The following HS6ST3 variants were observed in gnomAD, a reference collection of about 807,000 sequenced individuals.
HS6ST3 encodes the protein heparan sulfate 6-O-sulfotransferase 3.
HS6ST3 carries 12 observed loss-of-function variants against 36.7 expected under a neutral mutation model. The ratio of observed to expected loss-of-function variants is 0.33; its 90% confidence interval spans 0.21 to 0.53. HS6ST3 has a LOEUF of 0.53. Among genes scored for constraint, HS6ST3 ranks in the 20% least tolerant of loss-of-function variants. The pLI, the probability that HS6ST3 is intolerant of heterozygous loss-of-function variation, is 0.95. For missense variants in HS6ST3, 584 were observed against 640.9 expected (o/e 0.91, Z 0.96); for synonymous variants, 240 against 257.5 (o/e 0.93, Z 0.65).
chr13:96,636,449 G>A (rs1305701084), intron 1 of HS6ST3, among the ~76,000 whole-genome samples: 2 of 152,134 alleles, frequency 1.3e-5, no homozygotes, highest in African/African-American at 4.8e-5. Flanking sequence ...TTGGCTCCAA[G>A]TGTGCAGTTT....
chr13:96,221,364 T>C (rs1485515202), intron 1 of HS6ST3, among the ~76,000 whole-genome samples: 5 of 152,210 alleles, frequency 3.3e-5, no homozygotes, highest in Non-Finnish European at 7.3e-5. Flanking sequence ...TATTTATTGT[T>C]TCATTGCCTG....
At chr13:96,239,021 G>C (rs2054547965) in intron 1 of HS6ST3, among the ~76,000 whole-genome samples, 1 of 152,116 alleles carries the variant, frequency 6.6e-6, no homozygotes. Context: ...TCACGGATGG[G>C]GAAGTAGGGC....
intron 1 of HS6ST3, among the ~76,000 whole-genome samples, chr13:96,481,599 G>A (rs988968618): frequency 5.3e-5 from 8 of 152,242 alleles, no homozygotes; most frequent in African/African-American, 1.4e-4. Flanking sequence ...AAAACTTGGC[G>A]TTTCTCTGTT....
chr13:96,279,395 A>G (rs1297761183), intron 1 of HS6ST3, among the ~76,000 whole-genome samples: 2 of 152,180 alleles, frequency 1.3e-5, no homozygotes, highest in East Asian at 3.9e-4. Context: ...GGTCTCTAGC[A>G]TTGTGGAGTT....
intron 1 of HS6ST3, among the ~76,000 whole-genome samples, chr13:96,153,032 A>G (rs1444997710): frequency 6.6e-6 from 1 of 152,128 alleles, no homozygotes; most frequent in African/African-American, 2.4e-5. Context: ...AGCACCTGAA[A>G]TACAATCTCC....
chr13:96,417,905 G>T (rs1050708679), intron 1 of HS6ST3, among the ~76,000 whole-genome samples: 1 of 151,982 alleles, frequency 6.6e-6, no homozygotes, highest in African/African-American at 2.4e-5. Context: ...TCAATGAATT[G>T]ATATATATCC....
chr13:96,466,979 T>G (rs1354913578), intron 1 of HS6ST3, among the ~76,000 whole-genome samples: 1 of 152,222 alleles, frequency 6.6e-6, no homozygotes, highest in African/African-American at 2.4e-5. Context: ...TAGAAAATTA[T>G]ATACAGTGTT....
At chr13:96,241,357 G>A (rs937277085) in intron 1 of HS6ST3, among the ~76,000 whole-genome samples, 4 of 151,742 alleles carry the variant, frequency 2.6e-5, no homozygotes, top group African/African-American at 7.3e-5. Flanking sequence ...TGAAAAACAC[G>A]AATAAATTCA....
chr13:96,167,358 G>C (rs2054166105), intron 1 of HS6ST3, among the ~76,000 whole-genome samples: 1 of 152,140 alleles, frequency 6.6e-6, no homozygotes, highest in Non-Finnish European at 1.5e-5. Context: ...CCCTCTGCCA[G>C]AGTTATTTCT....
intron 1 of HS6ST3, among the ~76,000 whole-genome samples, chr13:96,137,713 G>A (rs2054009680): frequency 6.6e-6 from 1 of 152,150 alleles, no homozygotes; most frequent in African/African-American, 2.4e-5. Flanking sequence ...TTACAGGCCT[G>A]GCCTTTCTGC....
At chr13:96,658,363 C>T (rs529825844) in intron 1 of HS6ST3, among the ~76,000 whole-genome samples, 1 of 145,890 alleles carries the variant, frequency 6.9e-6, no homozygotes, top group East Asian at 2.1e-4. Flanking sequence ...TCACTGCAAC[C>T]TCTGCCTCCT....
intron 1 of HS6ST3, among the ~76,000 whole-genome samples, chr13:96,618,177 G>A (rs2056481371): frequency 6.6e-6 from 1 of 152,156 alleles, no homozygotes; most frequent in Non-Finnish European, 1.5e-5. Context: ...ATAGCTCACT[G>A]CAAGCTGGAA....
At chr13:96,430,805 T>A (rs1402641054) in intron 1 of HS6ST3, among the ~76,000 whole-genome samples, 2 of 152,230 alleles carry the variant, frequency 1.3e-5, no homozygotes, top group African/African-American at 4.8e-5. Context: ...TAGCCCCACT[T>A]GACCACAGGG....
intron 1 of HS6ST3, among the ~76,000 whole-genome samples, chr13:96,347,923 G>C (rs2055163660): frequency 6.6e-6 from 1 of 152,140 alleles, no homozygotes; most frequent in Non-Finnish European, 1.5e-5. Context: ...ACATTTCCCA[G>C]TAGGCTTCAG....
chr13:96,666,345 G>A (rs567283346), intron 1 of HS6ST3, among the ~76,000 whole-genome samples: 2 of 152,138 alleles, frequency 1.3e-5, no homozygotes, highest in South Asian at 2.1e-4. Context: ...GTGCAATCAC[G>A]GACAAACCAT....
At chr13:96,710,655 G>A (rs547233161) in intron 1 of HS6ST3, among the ~76,000 whole-genome samples, 2 of 152,354 alleles carry the variant, frequency 1.3e-5, no homozygotes, top group East Asian at 1.9e-4. Flanking sequence ...CAGTGCACAG[G>A]CCTGGATACT....
chr13:96,547,095 T>A (rs1225312557), intron 1 of HS6ST3, among the ~76,000 whole-genome samples: 1 of 152,248 alleles, frequency 6.6e-6, no homozygotes, highest in Non-Finnish European at 1.5e-5. Context: ...ACAGTTGGGC[T>A]GTCTTATGCG....
rs114090041 is a variant in HS6ST3, at chr13:96,483,650, C to T, written c.708-348840C>T. Among the ~76,000 whole-genome samples, 634 of 152,234 alleles carry T rather than the reference C, an allele frequency of 4.2e-3. 5 individuals are homozygous for T. The highest frequency in any genetic ancestry group is 0.015 in the African/African-American group (605 of 41,534). On this transcript the variant is annotated intron_variant, in intron 1 of 1. Coordinates refer to ENST00000376705, the MANE Select transcript of HS6ST3 (RefSeq NM_153456.4). Reference sequence around the variant, plus strand: ...TGGCTCACTCTCACATTACTTATCACATTATATTACTGGGCATCTTTGTGA... The same window carrying T: ...TGGCTCACTCTCACATTACTTATCATATTATATTACTGGGCATCTTTGTGA...
rs192147242 is a variant in HS6ST3 at position 96,785,727 on chromosome 13, C to G, written c.708-46763C>G. 4.0e-3 allele frequency among the ~76,000 whole-genome samples: 604 copies of G among 152,188 alleles called. 3 individuals are homozygous for G. Among genetic ancestry groups the G allele is most frequent in the Non-Finnish European group, 6.7e-3 (456 of 68,020 alleles). On this transcript the variant is annotated intron_variant, in intron 1 of 1. Transcript: ENST00000376705. ...AAGCAACAAGAGACATGCATACACA[C>G]ACAAAAAGAGGCAAAGAGATACATG...
Sources: allele counts gnomAD v4.1 joint callset (sites outside exome capture counted in the v4.1 genomes callset), GRCh38; gene constraint gnomAD v4.1.1; transcripts MANE v1.5; gene names NCBI Gene and HGNC (gene_info 2026-07-23, HGNC 2026-07-21).